The following KLRD1 variants were observed in gnomAD, a reference collection of about 807,000 sequenced individuals.
KLRD1 encodes natural killer cells antigen CD94.
In KLRD1, 21 loss-of-function variants were observed where a neutral mutation model predicts 22.6. The ratio of observed to expected loss-of-function variants is 0.93; its 90% CI spans 0.66 to 1.34. KLRD1 has a LOEUF of 1.34. Among genes scored for constraint, KLRD1 ranks in the 40% most tolerant of loss-of-function variants. KLRD1 has a pLI of 0.00. For missense variants in KLRD1, 183 were observed against 208.6 expected (o/e 0.88, Z 0.76); for synonymous variants, 59 against 71.1 (o/e 0.83, Z 0.85).
At chr12:10,285,510 A>G (rs1379805271) in intron 1 of KLRD1, among the ~76,000 whole-genome samples, 1 of 152,174 alleles carries the variant, frequency 6.6e-6, no homozygotes, top group East Asian at 1.9e-4. Context: ...TAAGCTTCCA[A>G]TATGAAATAA....
At chr12:10,244,857 T>C (rs1000476573) in intron 1 of KLRD1, among the ~76,000 whole-genome samples, 1 of 152,220 alleles carries the variant, frequency 6.6e-6, no homozygotes, top group South Asian at 2.1e-4. Context: ...ATGCTCTTAC[T>C]CTTCCTGTAG....
intron 1 of KLRD1, among the ~76,000 whole-genome samples, chr12:10,262,122 A>G (rs1949459383): frequency 6.6e-6 from 1 of 152,100 alleles, no homozygotes; most frequent in Non-Finnish European, 1.5e-5. Flanking sequence ...TGAGTTTAGC[A>G]TGCTTAAGTG....
chr12:10,310,367 G>A (rs1004033094), intron 3 of KLRD1, among the ~76,000 whole-genome samples: 6 of 152,170 alleles, frequency 3.9e-5, no homozygotes, highest in African/African-American at 1.4e-4. Flanking sequence ...TCATCCACCT[G>A]CCTCGGCTTC....
intron 1 of KLRD1, among the ~76,000 whole-genome samples, chr12:10,280,486 T>C (rs1949630260): frequency 6.6e-6 from 1 of 152,184 alleles, no homozygotes. Context: ...TAGCTACCCA[T>C]AGTCTAGACA....
At chr12:10,257,380 A>G (rs1302963104) in intron 1 of KLRD1, among the ~76,000 whole-genome samples, 1 of 150,984 alleles carries the variant, frequency 6.6e-6, no homozygotes, top group Non-Finnish European at 1.5e-5. Context: ...AATAACGTCC[A>G]TTAAATCTCT....
chr12:10,313,464 G>A lies in KLRD1; in HGVS notation c.370G>A (p.Glu124Lys), dbSNP rs761445561. The change falls in exon 5 of 6, where the codon GAG (glutamate) becomes AAG (lysine). Residue 124 changes from glutamate to lysine, a missense_variant. Coordinates refer to ENST00000336164, the MANE Select transcript of KLRD1 (RefSeq NM_002262.5). ...FYWIGLSYSE[E>K]HTAWLWENGS... ...CTGGATTGGACTCTCTTACAGTGAG[G>A]AGCACACCGCCTGGTTGTGGGAGAA... 1 of 1,608,612 alleles carries A rather than the reference G, an allele frequency of 6.2e-7. No individual in the cohort carries two copies. The highest frequency in any genetic ancestry group is 1.1e-5 in the South Asian group (1 of 90,142).
chr12:10,262,868 T>A (rs1259251113), intron 1 of KLRD1, among the ~76,000 whole-genome samples: 1 of 152,112 alleles, frequency 6.6e-6, no homozygotes. Flanking sequence ...TATTAAGGTA[T>A]GAACTTTTAC....
intron 3 of KLRD1, among the ~76,000 whole-genome samples, chr12:10,309,917 C>T (rs2270238): frequency 0.24 from 35,840 of 152,024 alleles, 5,183 homozygotes; most frequent in Admixed American, 0.33. Flanking sequence ...TAGCCTGAAA[C>T]GAAAGATATG....
chr12:10,325,758 G>A lies in KLRD1; in HGVS notation c.*10965G>A, dbSNP rs887204087. 7 of 152,176 alleles carry A rather than the reference G, an allele frequency of 4.6e-5. No individual in the cohort carries two copies. Among genetic ancestry groups the A allele is most frequent in the African/African-American group, 1.7e-4 (7 of 41,448 alleles). The allele number at this position is 152,176 out of a possible 1,614,324, so 9.4% of individuals were successfully genotyped here. A position where few individuals can be genotyped will look rare whatever the true frequency, so the allele number is the denominator to read the frequency against. ...ATGTACACATTGGCTACTGTGACTA[G>A]TATAGCAATGGACAGTAGTATACTA... On this transcript the variant is annotated 3_prime_UTR_variant, in exon 6 of 6. Coordinates refer to ENST00000336164, the MANE Select transcript of KLRD1 (RefSeq NM_002262.5).
At chr12:10,295,550 A>G (rs1949814124) in intron 1 of KLRD1, among the ~76,000 whole-genome samples, 2 of 152,126 alleles carry the variant, frequency 1.3e-5, no homozygotes, top group South Asian at 4.1e-4. Context: ...AAATAATTTG[A>G]ATTTAATTTT....
chr12:10,286,706 A>G (rs1413047599), intron 1 of KLRD1, among the ~76,000 whole-genome samples: 1 of 101,838 alleles, frequency 9.8e-6, no homozygotes, highest in Non-Finnish European at 1.8e-5. Flanking sequence ...ACGGGATCTC[A>G]CTTTGTTGCC....
chr12:10,315,252 A>AGGACTGCAGGCACCATGTCACTATGCCC lies in KLRD1; in HGVS notation c.*461_*488dup. Reference sequence around the variant, plus strand: ...TCCTGACTCAGCCTCCCAAGTAGCTAGGACTGCAGGCACCATGTCACTATG... The same window carrying AGGACTGCAGGCACCATGTCACTATGCCC: ...TCCTGACTCAGCCTCCCAAGTAGCTAGGACTGCAGGCACCATGTCACTATGCCCGGACTGCAGGCACCATGTCACTATG... On this transcript the variant is annotated 3_prime_UTR_variant, in exon 6 of 6. Transcript: ENST00000336164. The AGGACTGCAGGCACCATGTCACTATGCCC allele has an allele frequency of 2.3e-6, 1 of 435,250 alleles. No homozygotes were observed. Among genetic ancestry groups the AGGACTGCAGGCACCATGTCACTATGCCC allele is most frequent in the East Asian group, 8.5e-5 (1 of 11,704 alleles). 27.0% of individuals were successfully genotyped at this position (435,250 alleles called of 1,614,324 possible). A position where few individuals can be genotyped will look rare whatever the true frequency, so the allele number is the denominator to read the frequency against.
chr12:10,254,608 G>T (rs895655686), intron 1 of KLRD1, among the ~76,000 whole-genome samples: 1 of 151,890 alleles, frequency 6.6e-6, no homozygotes, highest in Non-Finnish European at 1.5e-5. Flanking sequence ...TAGGCAAAAG[G>T]CTGGGCGTGG....
upstream of KLRD1, chr12:10,304,509 A>G (rs1235125685): frequency 6.6e-6 from 1 of 151,870 alleles, no homozygotes; most frequent in African/African-American, 2.4e-5. Context: ...AGTTCAAGAG[A>G]CTCTAATGCC....
chr12:10,243,619 A>AC lies in KLRD1; in HGVS notation c.-101+17386_-101+17387insC, dbSNP rs1360316271. On this transcript the variant is annotated intron_variant, in intron 1 of 5. Coordinates refer to the KLRD1 transcript ENST00000544747. ...CAGAGTGAGACTCCAAAAAAAAAAA[A>AC]AAAAAAAAAAAAAACCGAAATGAAA... is the stretch of plus-strand genomic sequence containing the variant. Among the ~76,000 whole-genome samples, 107 of 149,296 alleles carry AC rather than the reference A, an allele frequency of 7.2e-4. 9 individuals carry two copies. The East Asian group carries it at 0.015, about 21-fold the overall frequency.
chr12:10,309,564 T>C (rs1950006978), intron 2 of KLRD1, 62 bp from the exon 3 acceptor site: 1 of 1,334,918 alleles, frequency 7.5e-7, no homozygotes, highest in Non-Finnish European at 1.1e-6. Flanking sequence ...TGCTAATGTG[T>C]AATATTTTAG....
chr12:10,278,757 C>T (rs138404431), intron 1 of KLRD1, among the ~76,000 whole-genome samples: 1 of 152,108 alleles, frequency 6.6e-6, no homozygotes, highest in African/African-American at 2.4e-5. Context: ...AATGTTACTT[C>T]TTTTAACATG....
intron 1 of KLRD1, among the ~76,000 whole-genome samples, chr12:10,266,038 G>A (rs972936489): frequency 2.0e-5 from 3 of 152,008 alleles, no homozygotes; most frequent in Non-Finnish European, 2.9e-5. Context: ...TTTTTTGACC[G>A]TTTTCAATTT....
chr12:10,242,626 G>C (rs1427516728), intron 1 of KLRD1, among the ~76,000 whole-genome samples: 1 of 152,114 alleles, frequency 6.6e-6, no homozygotes, highest in Non-Finnish European at 1.5e-5. Flanking sequence ...ACTGTCTTCT[G>C]CAAATGGTTA....
Sources: allele counts gnomAD v4.1 joint callset (sites outside exome capture counted in the v4.1 genomes callset), GRCh38; gene constraint gnomAD v4.1.1; transcripts MANE v1.5; gene names NCBI Gene and HGNC (gene_info 2026-07-23, HGNC 2026-07-21).